Variants in TBC1D22B observed in about 807,000 individuals in gnomAD.
TBC1D22B encodes chromosome 6 open reading frame 197.
In TBC1D22B, 32 loss-of-function variants were observed where a neutral mutation model predicts 69.1. That is an observed-to-expected ratio of 0.46 (90% CI 0.35 to 0.62). TBC1D22B has a LOEUF of 0.62. Among genes scored for constraint, TBC1D22B ranks in the 20% least tolerant of loss-of-function variants. TBC1D22B has a pLI of 0.00. For synonymous variants in TBC1D22B, 206 were observed against 229.8 expected (o/e 0.90, Z 0.94); for missense variants, 462 against 630.9 (o/e 0.73, Z 2.87).
intron 3 of TBC1D22B, among the ~76,000 whole-genome samples, chr6:37,280,567 C>T (rs566489987): frequency 6.6e-6 from 1 of 152,312 alleles, no homozygotes; most frequent in East Asian, 1.9e-4. Context: ...AGCTGCAGGC[C>T]GTGGAAGGTG....
At chr6:37,299,438 T>C (rs927399995) in intron 8 of TBC1D22B, among the ~76,000 whole-genome samples, 2 of 152,246 alleles carry the variant, frequency 1.3e-5, no homozygotes, top group African/African-American at 4.8e-5. Flanking sequence ...CCATTATTTA[T>C]CTCTTAACTT....
intron 11 of TBC1D22B, 38 bp downstream of exon 11, chr6:37,316,868 C>A: frequency 6.2e-7 from 1 of 1,613,016 alleles, no homozygotes; most frequent in South Asian, 1.1e-5. Context: ...GCCAGGCTGT[C>A]TCTGAGGTGT....
intron 12 of TBC1D22B, chr6:37,324,433 A>C (rs1768336747): frequency 2.2e-6 from 1 of 452,904 alleles, no homozygotes; most frequent in Non-Finnish European, 4.5e-6. Context: ...CTGTAAGACA[A>C]ACTGGATACT....
intron 6 of TBC1D22B, among the ~76,000 whole-genome samples, chr6:37,285,088 GA>G (rs1353778272): frequency 2.9e-4 from 44 of 152,122 alleles, no homozygotes; most frequent in Non-Finnish European, 1.0e-4. Context: ...GGGAGGAGAA[GA>G]GTAGGCCAGG....
At chr6:37,307,590 G>A (rs932701849) in intron 8 of TBC1D22B, among the ~76,000 whole-genome samples, 3 of 152,100 alleles carry the variant, frequency 2.0e-5, no homozygotes, top group African/African-American at 7.2e-5. Context: ...TCCTGACCTT[G>A]TGATCCACCT....
chr6:37,274,018 A>G (rs1766586810), intron 2 of TBC1D22B, among the ~76,000 whole-genome samples: 1 of 152,356 alleles, frequency 6.6e-6, no homozygotes. Context: ...AATGATTACT[A>G]TTAGTGATAC....
chr6:37,288,183 C>A (rs543007821), intron 7 of TBC1D22B, among the ~76,000 whole-genome samples: 5 of 152,176 alleles, frequency 3.3e-5, no homozygotes, highest in African/African-American at 1.2e-4. Flanking sequence ...CTGGTGGGGT[C>A]CCTCATGTCT....
intron 2 of TBC1D22B, among the ~76,000 whole-genome samples, chr6:37,270,550 G>A (rs1289515842): frequency 6.6e-6 from 1 of 152,306 alleles, no homozygotes; most frequent in East Asian, 1.9e-4. Context: ...AGAGACTCTA[G>A]TTAAATCCAA....
chr6:37,262,633 G>C (rs2113969453), intron 1 of TBC1D22B, among the ~76,000 whole-genome samples: 1 of 152,358 alleles, frequency 6.6e-6, no homozygotes, highest in Non-Finnish European at 1.5e-5. Flanking sequence ...ATTACAACTT[G>C]TTCTTGGCTT....
rs1583536412 is a variant in TBC1D22B at position 37,277,833 on chromosome 6, T to C, written c.114-1471T>C. 2.0e-5 allele frequency among the ~76,000 whole-genome samples: 3 copies of C among 152,080 alleles called. No individual in the cohort carries two copies. In the East Asian group the frequency reaches 5.8e-4, roughly 29 times the overall value. ...TATAAATAGAAAACAACATTTGTTA[T>C]AAATAAGAAGAACTTCTGGGCGTGG... On this transcript the variant is annotated intron_variant, in intron 2 of 12. Coordinates refer to ENST00000373491, the MANE Select transcript of TBC1D22B (RefSeq NM_017772.4).
At chr6:37,265,545 T>TC (rs1225171239) in intron 1 of TBC1D22B, among the ~76,000 whole-genome samples, 2 of 151,258 alleles carry the variant, frequency 1.3e-5, no homozygotes, top group South Asian at 2.1e-4. Flanking sequence ...TTTTTTTTTT[T>TC]CCCGTGGTCA....
At chr6:37,284,654 C>T (rs982333555) in intron 6 of TBC1D22B, among the ~76,000 whole-genome samples, 190 bp downstream of exon 6, 1 of 152,226 alleles carries the variant, frequency 6.6e-6, no homozygotes. Flanking sequence ...TTTAAATAGA[C>T]AGACTTTTTT....
chr6:37,313,011 T>C lies in TBC1D22B; in HGVS notation c.1076T>C (p.Leu359Pro). The stretch of plus-strand genomic sequence containing the variant: ...AGCTTTTGGTGCATGAGCAAGCTGC[T>C]GGATGGAATCCAGGTGAGCTGCTTC... ...ADSFWCMSKL[L>P]DGIQDNYTFA... is the part of the protein sequence containing the mutation. The change falls in exon 9 of 13, where the codon CTG (leucine) becomes CCG (proline). Residue 359 changes from leucine (L) to proline (P), a missense_variant. Transcript: ENST00000373491. The C allele has an allele frequency of 6.2e-7, 1 of 1,614,050 alleles. No homozygotes were observed. Among genetic ancestry groups the C allele is most frequent in the Non-Finnish European group, 8.5e-7 (1 of 1,179,874 alleles).
chr6:37,275,738 ATATG>A (rs1333447604), intron 2 of TBC1D22B, among the ~76,000 whole-genome samples: 2 of 152,306 alleles, frequency 1.3e-5, no homozygotes, highest in South Asian at 4.1e-4. Flanking sequence ...AATATTATGA[ATATG>A]TATGAATATG....
intron 1 of TBC1D22B, among the ~76,000 whole-genome samples, chr6:37,262,401 A>C (rs1766136226): frequency 6.6e-6 from 1 of 152,116 alleles, no homozygotes; most frequent in South Asian, 2.1e-4. Flanking sequence ...CAGGCTGGTC[A>C]TGAACTCCTG....
At chr6:37,292,153 C>T (rs1430856852) in intron 8 of TBC1D22B, among the ~76,000 whole-genome samples, 1 of 152,172 alleles carries the variant, frequency 6.6e-6, no homozygotes, top group East Asian at 1.9e-4. Flanking sequence ...TCCCTCATTT[C>T]ACTGAGAAGT....
At chr6:37,307,440 C>G (rs966339090) in intron 8 of TBC1D22B, among the ~76,000 whole-genome samples, 2 of 149,972 alleles carry the variant, frequency 1.3e-5, no homozygotes, top group African/African-American at 4.9e-5. Flanking sequence ...ACTGCAATTT[C>G]TGCCTCCCGG....
At chr6:37,327,109 G>A (rs1464239809) in intron 12 of TBC1D22B, among the ~76,000 whole-genome samples, 2 of 152,148 alleles carry the variant, frequency 1.3e-5, no homozygotes, top group African/African-American at 2.4e-5. Flanking sequence ...GGTAAAAGGG[G>A]CCAGAGGCCA....
intron 12 of TBC1D22B, among the ~76,000 whole-genome samples, chr6:37,328,529 T>A (rs1768494730): frequency 6.6e-6 from 1 of 152,186 alleles, no homozygotes; most frequent in South Asian, 2.1e-4. Flanking sequence ...TCTTTGGATA[T>A]TGAAAATATC....
Sources: allele counts gnomAD v4.1 joint callset (sites outside exome capture counted in the v4.1 genomes callset), GRCh38; gene constraint gnomAD v4.1.1; transcripts MANE v1.5; gene names NCBI Gene and HGNC (gene_info 2026-07-23, HGNC 2026-07-21).